Variants in EPHA6 observed in about 807,000 individuals in gnomAD.
EPHA6 encodes the protein EPH receptor A6, also known as ephrin type-A receptor 6.
A neutral mutation model predicts 112.0 loss-of-function variants in EPHA6; 50 were observed. The ratio of observed to expected loss-of-function variants is 0.45; its 90% confidence interval spans 0.36 to 0.56. EPHA6 has a LOEUF of 0.56. Among genes scored for constraint, EPHA6 ranks in the 20% least tolerant of loss-of-function variants. The pLI, the probability that EPHA6 is intolerant of heterozygous loss-of-function variation, is 0.00. For missense variants in EPHA6, 1,280 were observed against 1,417.4 expected, an observed-to-expected ratio of 0.90 and a Z score of 1.56; for synonymous variants, 529 against 490.7, an observed-to-expected ratio of 1.08 and a Z score of -1.03.
At chr3:97,540,885 A>G (rs2092839421) in intron 11 of EPHA6, among the ~76,000 whole-genome samples, 1 of 152,196 alleles carries the variant, frequency 6.6e-6, no homozygotes, top group African/African-American at 2.4e-5. Context: ...TGTTCTAGAT[A>G]AAGAGTGTGA....
At position 97,479,380 on chromosome 3, in the gene EPHA6, ACTTT is replaced by A. The variant is rs751231805; in HGVS notation, c.2074+22_2074+25del. The A allele has an allele frequency of 1.2e-5, 18 of 1,565,044 alleles. No individual in the cohort carries two copies. The highest frequency in any genetic ancestry group is 3.7e-5 in the Admixed American group (2 of 53,580). ...AATGGGCATTGTAAGTAGCGCAGGG[ACTTT>A]CTTTCATTATTTTGTACTGTTCCAG... is the stretch of plus-strand genomic sequence containing the variant. On this transcript the variant is annotated intron_variant, in intron 9 of 17. Transcript: ENST00000389672.
At chr3:97,156,055 T>G (rs1227193577) in intron 3 of EPHA6, among the ~76,000 whole-genome samples, 2 of 152,182 alleles carry the variant, frequency 1.3e-5, no homozygotes, top group Non-Finnish European at 2.9e-5. Flanking sequence ...TTTTGCCATA[T>G]AAGGTAATGT....
chr3:96,996,114 T>G (rs1405058633), intron 3 of EPHA6, among the ~76,000 whole-genome samples: 1 of 152,162 alleles, frequency 6.6e-6, no homozygotes. Context: ...GTGTCTTTAC[T>G]GGAATTAGAT....
At chr3:97,172,001 T>A (rs2076716276) in intron 3 of EPHA6, among the ~76,000 whole-genome samples, 1 of 152,064 alleles carries the variant, frequency 6.6e-6, no homozygotes, top group South Asian at 2.1e-4. Flanking sequence ...AGGTAGAGTA[T>A]TGAGAAAGGC....
intron 6 of EPHA6, among the ~76,000 whole-genome samples, chr3:97,428,394 T>G (rs186082590): frequency 2.5e-3 from 374 of 152,282 alleles, no homozygotes; most frequent in Non-Finnish European, 3.9e-3. Context: ...TAATGTACAA[T>G]ATTGCTTATG....
At chr3:97,371,378 C>T (rs1268937758) in intron 5 of EPHA6, among the ~76,000 whole-genome samples, 2 of 151,948 alleles carry the variant, frequency 1.3e-5, no homozygotes, top group Non-Finnish European at 1.5e-5. Flanking sequence ...TATTAGTTCC[C>T]CAAATTAATA....
chr3:97,743,979 T>G (rs2035611411), intron 16 of EPHA6, among the ~76,000 whole-genome samples: 1 of 152,018 alleles, frequency 6.6e-6, no homozygotes, highest in Non-Finnish European at 1.5e-5. Context: ...CTCAAAGGGC[T>G]CATTAGAGTA....
intron 11 of EPHA6, among the ~76,000 whole-genome samples, chr3:97,576,242 A>AG (rs1211801188): frequency 5.3e-5 from 8 of 152,022 alleles, no homozygotes; most frequent in Non-Finnish European, 1.2e-4. Flanking sequence ...AACATCCTAT[A>AG]AAGCTTCAAG....
At chr3:97,151,245 C>A (rs1466575819) in intron 3 of EPHA6, among the ~76,000 whole-genome samples, 4 of 152,070 alleles carry the variant, frequency 2.6e-5, no homozygotes, top group South Asian at 4.1e-4. Flanking sequence ...AGTATGATTT[C>A]TTTGTAGTTT....
At chr3:97,557,560 C>T (rs761902237) in intron 11 of EPHA6, among the ~76,000 whole-genome samples, 3 of 151,782 alleles carry the variant, frequency 2.0e-5, no homozygotes, top group Non-Finnish European at 4.4e-5. Context: ...AAGAATATGT[C>T]TTTTTAATAT....
At chr3:96,963,938 T>C (rs2042034114) in intron 2 of EPHA6, among the ~76,000 whole-genome samples, 1 of 152,144 alleles carries the variant, frequency 6.6e-6, no homozygotes, top group Non-Finnish European at 1.5e-5. Context: ...ATCTCTAGAA[T>C]GGTTTATTTA....
chr3:96,917,418 CAAA>C (rs5851049), intron 2 of EPHA6, among the ~76,000 whole-genome samples: 16 of 58,078 alleles, frequency 2.8e-4, no homozygotes, highest in African/African-American at 8.0e-4. Context: ...GACTCCATCT[CAAA>C]AAAAAAAAAA....
chr3:97,481,854 G>A (rs909497536), intron 9 of EPHA6, among the ~76,000 whole-genome samples: 11 of 152,226 alleles, frequency 7.2e-5, no homozygotes, highest in African/African-American at 2.4e-4. Context: ...TTAACGCAGG[G>A]CAACCTTAAG....
intron 6 of EPHA6, among the ~76,000 whole-genome samples, chr3:97,443,448 C>A (rs1349562100): frequency 6.7e-6 from 1 of 149,840 alleles, no homozygotes. Context: ...CCTATATTTT[C>A]AAATCGGTAT....
intron 3 of EPHA6, among the ~76,000 whole-genome samples, chr3:97,042,537 AC>A (rs1290511511): frequency 6.6e-6 from 1 of 152,158 alleles, no homozygotes; most frequent in Non-Finnish European, 1.5e-5. Flanking sequence ...AATTTTGAGC[AC>A]CTAACTCTTT....
chr3:97,680,368 C>G (rs116776776), intron 14 of EPHA6, among the ~76,000 whole-genome samples: 1 of 152,184 alleles, frequency 6.6e-6, no homozygotes, highest in Non-Finnish European at 1.5e-5. Flanking sequence ...ATGCCACCAG[C>G]CATTGCTGAT....
intron 3 of EPHA6, among the ~76,000 whole-genome samples, chr3:97,062,645 A>G (rs1232523721): frequency 6.6e-6 from 1 of 152,130 alleles, no homozygotes; most frequent in Non-Finnish European, 1.5e-5. Flanking sequence ...CGGTTCCCCC[A>G]TACTGTTCTC....
chr3:97,194,230 A>C (rs2077381782), intron 3 of EPHA6, among the ~76,000 whole-genome samples: 1 of 151,508 alleles, frequency 6.6e-6, no homozygotes, highest in African/African-American at 2.4e-5. Context: ...CTTAGTAGTG[A>C]GTTCACCATA....
At chr3:96,923,524 C>G (rs2039881735) in intron 2 of EPHA6, among the ~76,000 whole-genome samples, 1 of 151,410 alleles carries the variant, frequency 6.6e-6, no homozygotes, top group South Asian at 2.1e-4. Context: ...CTTGTAGATG[C>G]TGGATGTTAG....
Sources: allele counts gnomAD v4.1 joint callset (sites outside exome capture counted in the v4.1 genomes callset), GRCh38; gene constraint gnomAD v4.1.1; transcripts MANE v1.5; gene names NCBI Gene and HGNC (gene_info 2026-07-23, HGNC 2026-07-21).